The following UNC79 variants were observed in gnomAD, a reference collection of about 807,000 sequenced individuals.
UNC79 encodes the protein protein unc-79 homolog.
In UNC79, 37 loss-of-function variants were observed where a neutral mutation model predicts 283.1. The ratio of observed to expected loss-of-function variants is 0.13; its 90% CI spans 0.10 to 0.17. The LOEUF (loss-of-function observed/expected upper bound fraction) is 0.17. Ranked by LOEUF, UNC79 falls within the 10% of genes least tolerant of loss-of-function variation. The pLI is 1.00. For synonymous variants in UNC79, 1,107 were observed against 1,200.2 expected, an observed-to-expected ratio of 0.92 and a Z score of 1.61; for missense variants, 2,272 against 3,211.1, an observed-to-expected ratio of 0.71 and a Z score of 7.07.
At position 93,554,664 on chromosome 14, in the gene UNC79, A is replaced by G. The variant is rs2062069248; in HGVS notation, c.1755+11968A>G. 1.3e-5 allele frequency among the ~76,000 whole-genome samples: 2 copies of G among 152,198 alleles called. 1 individual carries two copies. The highest frequency in any genetic ancestry group is 4.1e-4 in the South Asian group (2 of 4,828). On this transcript the variant is annotated intron_variant, in intron 14 of 48. Transcript: ENST00000555664. ...TTAATATTTAATTTATGGAAAAACTAAATAATACCCTTTTAGCCAACTAGC... is the reference window on the plus strand; with the variant it reads ...TTAATATTTAATTTATGGAAAAACTGAATAATACCCTTTTAGCCAACTAGC...
intron 1 of UNC79, among the ~76,000 whole-genome samples, chr14:93,409,185 G>C (rs887209262): frequency 1.3e-5 from 2 of 152,128 alleles, no homozygotes; most frequent in African/African-American, 4.8e-5. Flanking sequence ...AATCTACAAA[G>C]TATTAGAACT....
At chr14:93,608,455 T>C (rs2139684985) in intron 26 of UNC79, among the ~76,000 whole-genome samples, 1 of 152,210 alleles carries the variant, frequency 6.6e-6, no homozygotes, top group East Asian at 1.9e-4. Flanking sequence ...GGATGTGGAA[T>C]AGGAAGGAGA....
chr14:93,622,065 C>A, exon 30 of UNC79: 1 of 1,614,126 alleles, frequency 6.2e-7, no homozygotes, highest in Non-Finnish European at 8.5e-7. Flanking sequence ...ATAGATCTAT[C>A]CTCAGATTCA....
At chr14:93,381,297 G>T (rs1239782560) in intron 1 of UNC79, among the ~76,000 whole-genome samples, 1 of 152,208 alleles carries the variant, frequency 6.6e-6, no homozygotes, top group Non-Finnish European at 1.5e-5. Flanking sequence ...TCTGATGACG[G>T]ATGTTGGGGT....
intron 2 of UNC79, among the ~76,000 whole-genome samples, chr14:93,473,073 A>G (rs1457004317): frequency 5.9e-5 from 9 of 152,124 alleles, no homozygotes; most frequent in Non-Finnish European, 1.3e-4. Flanking sequence ...GGCTAAAAGA[A>G]AACCAATTTA....
intron 4 of UNC79, among the ~76,000 whole-genome samples, chr14:93,485,655 C>G (rs567640665): frequency 6.6e-6 from 1 of 152,130 alleles, no homozygotes; most frequent in Admixed American, 6.6e-5. Context: ...AACTTGACAT[C>G]TAAGAGCAGT....
intron 4 of UNC79, among the ~76,000 whole-genome samples, chr14:93,486,519 G>T (rs2058440536): frequency 1.3e-5 from 2 of 151,800 alleles, no homozygotes; most frequent in South Asian, 2.1e-4. Context: ...CCGGGTGTGG[G>T]GGCAGGCGCC....
intron 5 of UNC79, among the ~76,000 whole-genome samples, chr14:93,492,695 A>T (rs1469802372): frequency 6.6e-6 from 1 of 152,156 alleles, no homozygotes; most frequent in African/African-American, 2.4e-5. Context: ...GCATTCTGGG[A>T]GGGGAAGCTG....
downstream of UNC79, chr14:93,706,990 A>G: frequency 2.7e-6 from 4 of 1,485,234 alleles, no homozygotes; most frequent in African/African-American, 4.1e-5. Context: ...CAGGTTGGGG[A>G]ACATATTGGT....
intron 14 of UNC79, among the ~76,000 whole-genome samples, chr14:93,545,679 A>T (rs1285629477): frequency 6.6e-6 from 1 of 152,186 alleles, no homozygotes; most frequent in East Asian, 1.9e-4. Context: ...ATTCCATGCA[A>T]TTCACAAATA....
chr14:93,554,412 G>T (rs1310849075), intron 14 of UNC79, among the ~76,000 whole-genome samples: 2 of 150,620 alleles, frequency 1.3e-5, no homozygotes, highest in African/African-American at 4.9e-5. Flanking sequence ...TGAAAATCTT[G>T]CTCAAAAGGG....
At chr14:93,375,648 A>G (rs1393880279) in intron 1 of UNC79, among the ~76,000 whole-genome samples, 2 of 152,078 alleles carry the variant, frequency 1.3e-5, no homozygotes, top group East Asian at 3.9e-4. Flanking sequence ...GTGGAAGGCA[A>G]AGGGGGAGCA....
chr14:93,488,083 A>G (rs1450304705), intron 5 of UNC79, among the ~76,000 whole-genome samples: 1 of 152,228 alleles, frequency 6.6e-6, no homozygotes, highest in Non-Finnish European at 1.5e-5. Flanking sequence ...ATATTTTGGT[A>G]AATTGGCTAC....
At chr14:93,339,488 A>T (rs1296359183) in intron 1 of UNC79, among the ~76,000 whole-genome samples, 2 of 151,964 alleles carry the variant, frequency 1.3e-5, no homozygotes, top group Non-Finnish European at 1.5e-5. Flanking sequence ...TTTAGTAGAG[A>T]CGGGATTTCA....
At chr14:93,642,683 A>G (rs1485731930) in intron 33 of UNC79, among the ~76,000 whole-genome samples, 1 of 151,944 alleles carries the variant, frequency 6.6e-6, no homozygotes, top group East Asian at 1.9e-4. Context: ...TGTGCACTCC[A>G]TTTCTTTTCT....
intron 1 of UNC79, among the ~76,000 whole-genome samples, chr14:93,358,514 C>T (rs2054157227): frequency 6.6e-6 from 1 of 152,110 alleles, no homozygotes; most frequent in African/African-American, 2.4e-5. Context: ...GGCTGACCTG[C>T]AATGAAAGGT....
In UNC79 at chr14:93,360,563, T is replaced by A. The variant is rs577356780; in HGVS notation, c.-351+27040T>A. ...ACTTGGCAAATGCCTTTTTCTCCAT[T>A]CCTGTCCATGAGGCCCACCAGAAGC... On this transcript the variant is annotated intron_variant, in intron 1 of 49. Transcript: ENST00000256339. Among the ~76,000 whole-genome samples the A allele has an allele frequency of 2.0e-5, 3 of 152,344 alleles. No homozygotes were observed. In the East Asian group the frequency reaches 5.8e-4, roughly 29 times the overall value.
chr14:93,634,804 A>G (rs1450602961), intron 31 of UNC79, among the ~76,000 whole-genome samples, 167 bp downstream of exon 34: 1 of 151,844 alleles, frequency 6.6e-6, no homozygotes, highest in African/African-American at 2.4e-5. Context: ...TAAACTTCCC[A>G]AGTGTTCTAG....
At chr14:93,577,803 T>TGTGA in intron 17 of UNC79, 39 bp from the exon 18 acceptor site, 1 of 1,598,050 alleles carries the variant, frequency 6.3e-7, no homozygotes, top group Non-Finnish European at 8.6e-7. Context: ...TTTGAGCTTC[T>TGTGA]GTGAGTTCAT....
Sources: allele counts gnomAD v4.1 joint callset (sites outside exome capture counted in the v4.1 genomes callset), GRCh38; gene constraint gnomAD v4.1.1; transcripts MANE v1.5; gene names NCBI Gene and HGNC (gene_info 2026-07-23, HGNC 2026-07-21).